Variants in ACOX2 observed in about 807,000 individuals in gnomAD.
The protein encoded by ACOX2 is acyl-CoA oxidase 2, also known as peroxisomal acyl-coenzyme A oxidase 2.
In ACOX2, 59 loss-of-function variants were observed where a neutral mutation model predicts 77.5. That is an observed-to-expected ratio of 0.76 (90% CI 0.62 to 0.95). ACOX2 has a LOEUF of 0.95. Among genes scored for constraint, ACOX2 ranks in the 40% least tolerant of loss-of-function variants. The probability of loss-of-function intolerance (pLI) is 0.00; values close to 1 mark genes in which losing one functional copy is unlikely to be tolerated. For missense variants in ACOX2, 837 were observed against 880.4 expected (o/e 0.95, Z 0.62); for synonymous variants, 317 against 340.1 (o/e 0.93, Z 0.75).
Position 58,533,459 on chromosome 3 carries a change from C to A in ACOX2, c.569G>T (p.Trp190Leu). ...TGTATACTCACAGTCTCCAGGCCAC[C>A]ATTTGGTGGCAGTCAGCGTGGGGCT... ...IHSPTLTATK[W>L]WPGDLGRSAT... Residue 190 changes from tryptophan to leucine, a missense_variant, in exon 5 of 15, where the codon TGG becomes TTG. Trp to Leu is a moderately conservative substitution (Grantham distance 61). Transcript: ENST00000302819. This position sits in a 1 kb window ranked among gnomAD's most constrained non-coding sequence, Gnocchi z 5.6. 1.9e-6 allele frequency: 3 copies of A among 1,613,794 alleles called. No homozygotes were observed. The highest frequency in any genetic ancestry group is 1.1e-5 in the South Asian group (1 of 91,044).
chr3:58,526,442 G>A lies in ACOX2; in HGVS notation c.1346+24C>T, dbSNP rs750356793. 3 of 1,594,208 alleles carry A rather than the reference G, an allele frequency of 1.9e-6. No individual in the cohort carries two copies. The African/African-American group carries it at 4.0e-5, about 21-fold the overall frequency. ...GTGGGTCCCCAAGGGCTTGGGCAAAGGCCTGGGTCAGCCTGGACCTTACCT... is the reference window on the plus strand; with the variant it reads ...GTGGGTCCCCAAGGGCTTGGGCAAAAGCCTGGGTCAGCCTGGACCTTACCT... On this transcript the variant is annotated intron_variant, in intron 10 of 14. Transcript: ENST00000302819. This position sits in a 1 kb window ranked among gnomAD's most constrained non-coding sequence, Gnocchi z 4.3.
chr3:58,535,390 T>C lies in ACOX2; in HGVS notation c.-91-193A>G. 2.1e-6 allele frequency: 1 copy of C among 466,342 alleles called. No homozygotes were observed. The highest frequency in any genetic ancestry group is 3.5e-5 in the South Asian group (1 of 28,506). 28.9% of individuals were successfully genotyped at this position (466,342 alleles called of 1,614,324 possible). A position where few individuals can be genotyped will look rare whatever the true frequency, so the allele number is the denominator to read the frequency against. The stretch of plus-strand genomic sequence containing the variant: ...TGGTACATGTTTGTTCAATACTTGT[T>C]AGCCAAAATTGGACAGGGCCTGACC... On this transcript the variant is annotated intron_variant, in intron 1 of 14. Coordinates refer to ENST00000302819, the MANE Select transcript of ACOX2 (RefSeq NM_003500.4). This position sits in a 1 kb window ranked among gnomAD's most constrained non-coding sequence, Gnocchi z 4.8.
At chr3:58,518,037 T>C (rs1475222050) in intron 12 of ACOX2, among the ~76,000 whole-genome samples, 3 of 134,220 alleles carry the variant, frequency 2.2e-5, no homozygotes, top group Admixed American at 1.7e-4. Flanking sequence ...ATCATGCCAT[T>C]GCACTCCAGC....
chr3:58,536,637 C>G (rs1180189938), intron 1 of ACOX2, among the ~76,000 whole-genome samples: 1 of 152,166 alleles, frequency 6.6e-6, no homozygotes, highest in Non-Finnish European at 1.5e-5. Flanking sequence ...TGCCTCCTTG[C>G]TGTTCTGAAT....
At position 58,525,119 on chromosome 3, in the gene ACOX2, C is replaced by A. The variant is rs1466951299; in HGVS notation, c.1347-514G>T. Reference sequence around the variant, plus strand: ...GAGACCTGTGTGATGAAAGAAGCTTCACCTCCCAAGTCTCTGTTTCTCTAG... The same window carrying A: ...GAGACCTGTGTGATGAAAGAAGCTTAACCTCCCAAGTCTCTGTTTCTCTAG... On this transcript the variant is annotated intron_variant, in intron 10 of 14. Coordinates refer to ENST00000302819, the MANE Select transcript of ACOX2 (RefSeq NM_003500.4). The surrounding 1 kb of genome is among the most constrained non-coding windows in gnomAD (Gnocchi z 5.0). Among the ~76,000 whole-genome samples, 1 of 152,062 alleles carries A rather than the reference C, an allele frequency of 6.6e-6. No individual in the cohort carries two copies. Among genetic ancestry groups the A allele is most frequent in the Non-Finnish European group, 1.5e-5 (1 of 68,000 alleles).
At chr3:58,530,132 C>T (rs544206547) in intron 8 of ACOX2, among the ~76,000 whole-genome samples, 1 of 152,372 alleles carries the variant, frequency 6.6e-6, no homozygotes, top group East Asian at 1.9e-4. Context: ...GTCACAGCCG[C>T]ACAGAACACG....
rs189883231 is a variant in ACOX2 at position 58,530,446 on chromosome 3, A to G, written c.992+20T>C. 83 of 1,610,820 alleles carry G rather than the reference A, an allele frequency of 5.2e-5. No individual in the cohort carries two copies. The African/African-American group carries it at 5.2e-4, about 10-fold the overall frequency. On this transcript the variant is annotated intron_variant, in intron 8 of 14. Transcript: ENST00000302819. ...AAGAGGCAGCATATCTGCGGTAGTC[A>G]GTCACTGGGCACCCCTTGCCTGGGC...
In ACOX2 at chr3:58,526,193, C is replaced by T. The variant is rs1288947575; in HGVS notation, c.1346+273G>A. On this transcript the variant is annotated intron_variant, in intron 10 of 14. Coordinates refer to ENST00000302819, the MANE Select transcript of ACOX2 (RefSeq NM_003500.4). The surrounding 1 kb of genome is among the most constrained non-coding windows in gnomAD (Gnocchi z 4.3). ...AAACCAGAGAAAGATGTGATCCTCC[C>T]TAGGCTCTGAACAGATCCCTCCGGC... Among the ~76,000 whole-genome samples the T allele has an allele frequency of 6.6e-6, 1 of 152,142 alleles. No individual in the cohort carries two copies. Among genetic ancestry groups the T allele is most frequent in the East Asian group, 1.9e-4 (1 of 5,200 alleles).
At chr3:58,510,354 C>G (rs950826794) in intron 13 of ACOX2, among the ~76,000 whole-genome samples, 4 of 151,730 alleles carry the variant, frequency 2.6e-5, no homozygotes, top group Non-Finnish European at 1.5e-5. Flanking sequence ...TTCAACAGGC[C>G]GGGCGCGATG....
In ACOX2 at chr3:58,523,148, CCT is replaced by C. The variant is rs2063371481; in HGVS notation, c.1527-549_1527-548del. Among the ~76,000 whole-genome samples, 1 of 152,204 alleles carries C rather than the reference CCT, an allele frequency of 6.6e-6. No individual in the cohort carries two copies. Among genetic ancestry groups the C allele is most frequent in the South Asian group, 2.1e-4 (1 of 4,828 alleles). ...TTAGTCATTAAATAACCTTTAATCC[CCT>C]CTTATTTTCTATTCCCTGCCCATCC... is the stretch of plus-strand genomic sequence containing the variant. On this transcript the variant is annotated intron_variant, in intron 11 of 14. Transcript: ENST00000302819. The surrounding 1 kb of genome is among the most constrained non-coding windows in gnomAD (Gnocchi z 5.3).
At chr3:58,510,689 TATATATATATATATATATATAC>T (rs2063277292) in intron 13 of ACOX2, among the ~76,000 whole-genome samples, 1 of 16,064 alleles carries the variant, frequency 6.2e-5, no homozygotes, top group African/African-American at 2.0e-4. Context: ...TATATATATA[TATATATATATATATATATATAC>T]ACACACACAC....
In ACOX2 at chr3:58,533,443, A is replaced by T; in HGVS notation, c.583+2T>A. On this transcript the variant is annotated splice_donor_variant, in intron 5 of 14. Coordinates refer to ENST00000302819, the MANE Select transcript of ACOX2 (RefSeq NM_003500.4). LOFTEE classifies it high-confidence loss of function. This position sits in a 1 kb window ranked among gnomAD's most constrained non-coding sequence, Gnocchi z 5.6. ...AAGGAAGGGGGGTGGATGTATACTC[A>T]CAGTCTCCAGGCCACCATTTGGTGG... is the stretch of plus-strand genomic sequence containing the variant. The T allele has an allele frequency of 2.5e-6, 4 of 1,613,140 alleles. No homozygotes were observed. The highest frequency in any genetic ancestry group is 3.4e-6 in the Non-Finnish European group (4 of 1,179,352).
Position 58,526,448 on chromosome 3 carries a change from G to C in ACOX2, c.1346+18C>G. 2 of 1,599,804 alleles carry C rather than the reference G, an allele frequency of 1.3e-6. No homozygotes were observed. The highest frequency in any genetic ancestry group is 1.7e-6 in the Non-Finnish European group (2 of 1,171,486). On this transcript the variant is annotated intron_variant, in intron 10 of 14. Coordinates refer to ENST00000302819, the MANE Select transcript of ACOX2 (RefSeq NM_003500.4). The surrounding 1 kb of genome is among the most constrained non-coding windows in gnomAD (Gnocchi z 4.3). The stretch of plus-strand genomic sequence containing the variant: ...CCCCAAGGGCTTGGGCAAAGGCCTG[G>C]GTCAGCCTGGACCTTACCTGGCCAC...
chr3:58,530,021 G>A (rs544121276), intron 8 of ACOX2, among the ~76,000 whole-genome samples: 3 of 152,216 alleles, frequency 2.0e-5, no homozygotes, highest in Admixed American at 6.5e-5. Context: ...ACACACAGTC[G>A]ATATGATATT....
rs143189832 is a variant in ACOX2 at position 58,519,273 on chromosome 3, A to G, written c.1633-1850T>C. On this transcript the variant is annotated intron_variant, in intron 12 of 14. Coordinates refer to ENST00000302819, the MANE Select transcript of ACOX2 (RefSeq NM_003500.4). This position sits in a 1 kb window ranked among gnomAD's most constrained non-coding sequence, Gnocchi z 5.0. ...GTGGTGCACACCTGTAATTCTGGCTACTCGGAAGGCTGAGGCACAAGAATT... is the reference window on the plus strand; with the variant it reads ...GTGGTGCACACCTGTAATTCTGGCTGCTCGGAAGGCTGAGGCACAAGAATT... Among the ~76,000 whole-genome samples, 2 of 152,054 alleles carry G rather than the reference A, an allele frequency of 1.3e-5. No homozygotes were observed. Among genetic ancestry groups the G allele is most frequent in the African/African-American group, 4.8e-5 (2 of 41,466 alleles).
At position 58,534,184 on chromosome 3, in the gene ACOX2, A is replaced by G; in HGVS notation, c.324-39T>C. 6.2e-7 allele frequency: 1 copy of G among 1,610,830 alleles called. No individual in the cohort carries two copies. The highest frequency in any genetic ancestry group is 8.5e-7 in the Non-Finnish European group (1 of 1,178,492). ...ATGCTGTAGTTGAGTAGCTTATTGG[A>G]GACAGGGGCCCAGGTACCCCCTGCC... is the stretch of plus-strand genomic sequence containing the variant. On this transcript the variant is annotated intron_variant, in intron 3 of 14. Transcript: ENST00000302819. This position sits in a 1 kb window ranked among gnomAD's most constrained non-coding sequence, Gnocchi z 4.8.
Position 58,530,548 on chromosome 3 carries a change from C to T in ACOX2, c.910G>A (p.Glu304Lys), listed in dbSNP as rs780891523. The T allele has an allele frequency of 2.5e-6, 4 of 1,614,234 alleles. No individual in the cohort carries two copies. Among genetic ancestry groups the T allele is most frequent in the Non-Finnish European group, 3.4e-6 (4 of 1,180,036 alleles). ...VVVRVELLSGEILPILQKACV... is the reference protein window; with the variant it reads ...VVVRVELLSGKILPILQKACV... ...GCCTTCTGCAGTATAGGGAGGATCT[C>T]CCCTGACAGCAGCTCCACCCGCACC... Residue 304 changes from glutamate to lysine, a missense_variant, in exon 8 of 15, where the codon GAG becomes AAG. By Grantham distance (56) the Glu-to-Lys change is moderately conservative (BLOSUM62 1). Coordinates refer to ENST00000302819, the MANE Select transcript of ACOX2 (RefSeq NM_003500.4).
At position 58,528,703 on chromosome 3, in the gene ACOX2, T is replaced by G. The variant is rs2063414363; in HGVS notation, c.1155+91A>C. On this transcript the variant is annotated intron_variant, in intron 9 of 14. Coordinates refer to ENST00000302819, the MANE Select transcript of ACOX2 (RefSeq NM_003500.4). This position sits in a 1 kb window ranked among gnomAD's most constrained non-coding sequence, Gnocchi z 5.6. Reference sequence around the variant, plus strand: ...GAGAGGTGGGGGTGGGGAGTGCCCATGGGGATGGGGCTGTGGCTGCTCCCC... The same window carrying G: ...GAGAGGTGGGGGTGGGGAGTGCCCAGGGGGATGGGGCTGTGGCTGCTCCCC... 1.4e-6 allele frequency: 2 copies of G among 1,426,824 alleles called. No homozygotes were observed. Among genetic ancestry groups the G allele is most frequent in the Non-Finnish European group, 1.8e-6 (2 of 1,082,666 alleles). The allele number at this position is 1,426,824 out of a possible 1,614,324, so 88.4% of individuals were successfully genotyped here. A position where few individuals can be genotyped will look rare whatever the true frequency, so the allele number is the denominator to read the frequency against.
rs2063392049 is a variant in ACOX2, at chr3:58,526,127, G to A, written c.1346+339C>T. On this transcript the variant is annotated intron_variant, in intron 10 of 14. Coordinates refer to ENST00000302819, the MANE Select transcript of ACOX2 (RefSeq NM_003500.4). This position sits in a 1 kb window ranked among gnomAD's most constrained non-coding sequence, Gnocchi z 4.3. ...CCTTGCAGGCCACAGCATAGAATAT[G>A]TCATTTTCCTATGAGCACTGGGAAG... 1.3e-5 allele frequency among the ~76,000 whole-genome samples: 2 copies of A among 152,144 alleles called. No individual in the cohort carries two copies. Among genetic ancestry groups the A allele is most frequent in the Non-Finnish European group, 2.9e-5 (2 of 68,022 alleles).
Sources: gnomAD v4.1 joint callset for allele counts (sites outside exome capture counted in the v4.1 genomes callset) on GRCh38, gnomAD v4.1.1 for gene constraint, Gnocchi (gnomAD v3.1) non-coding constraint, MANE v1.5 for transcripts, NCBI Gene and HGNC (gene_info 2026-07-23, HGNC 2026-07-21) for gene names.